GUCY1A2: variants seen among roughly 807,000 people sequenced by gnomAD.
GUCY1A2 encodes the protein guanylate cyclase 1 soluble subunit alpha 2.
GUCY1A2 carries 27 observed loss-of-function variants against 63.5 expected under a neutral mutation model. The ratio of observed to expected loss-of-function variants is 0.43; its 90% confidence interval spans 0.31 to 0.59. The LOEUF (loss-of-function observed/expected upper bound fraction) is 0.59. Among genes scored for constraint, GUCY1A2 ranks in the 20% least tolerant of loss-of-function variants. The pLI is 0.11. For missense variants in GUCY1A2, 768 were observed against 913.3 expected (o/e 0.84, Z 2.05); for synonymous variants, 364 against 343.5 (o/e 1.06, Z -0.66).
chr11:106,872,662 C>G (rs1462191621), intron 4 of GUCY1A2, among the ~76,000 whole-genome samples: 2 of 152,174 alleles, frequency 1.3e-5, no homozygotes, highest in East Asian at 3.8e-4. Flanking sequence ...TAGCAGTACT[C>G]AAAAGTGTAA....
At chr11:106,705,923 A>G (rs965694389) in intron 7 of GUCY1A2, among the ~76,000 whole-genome samples, 1 of 152,146 alleles carries the variant, frequency 6.6e-6, no homozygotes, top group Non-Finnish European at 1.5e-5. Flanking sequence ...GGATGTCACA[A>G]TGAAAGACTG....
chr11:106,766,946 A>G (rs867172926), intron 6 of GUCY1A2, among the ~76,000 whole-genome samples: 2 of 152,184 alleles, frequency 1.3e-5, no homozygotes, highest in Middle Eastern at 3.4e-3. Context: ...TGGCAGATGG[A>G]GATTCCTATT....
At chr11:106,900,879 CCTT>C (rs1044827224) in intron 4 of GUCY1A2, among the ~76,000 whole-genome samples, 1 of 152,168 alleles carries the variant, frequency 6.6e-6, no homozygotes, top group Non-Finnish European at 1.5e-5. Context: ...AACTTGTAAT[CCTT>C]CTGCTGGTGT....
chr11:106,935,895 T>C (rs1860670320), intron 4 of GUCY1A2, among the ~76,000 whole-genome samples: 2 of 151,778 alleles, frequency 1.3e-5, no homozygotes, highest in Admixed American at 6.6e-5. Context: ...TCATGATCAA[T>C]TGACCTCATG....
At chr11:106,859,229 T>G (rs913744409) in intron 4 of GUCY1A2, among the ~76,000 whole-genome samples, 1 of 152,002 alleles carries the variant, frequency 6.6e-6, no homozygotes, top group Non-Finnish European at 1.5e-5. Flanking sequence ...GTCAGTGAAC[T>G]GATAACTTTA....
chr11:106,829,694 G>A (rs1424520579), intron 4 of GUCY1A2, among the ~76,000 whole-genome samples: 1 of 152,190 alleles, frequency 6.6e-6, no homozygotes, highest in Non-Finnish European at 1.5e-5. Flanking sequence ...GAGTTACAGT[G>A]TTTGGTTGGG....
chr11:106,804,021 C>A (rs540640659), intron 5 of GUCY1A2, among the ~76,000 whole-genome samples: 42 of 152,330 alleles, frequency 2.8e-4, no homozygotes, highest in African/African-American at 9.1e-4. Context: ...TTTCACCTTA[C>A]TTCCTACAGC....
chr11:106,720,450 G>A (rs1863296758), intron 6 of GUCY1A2, among the ~76,000 whole-genome samples: 1 of 152,178 alleles, frequency 6.6e-6, no homozygotes, highest in South Asian at 2.1e-4. Context: ...TTTGGAATCT[G>A]ACCCATCATT....
At chr11:106,941,161 T>C (rs1201795720) in intron 3 of GUCY1A2, among the ~76,000 whole-genome samples, 1 of 152,186 alleles carries the variant, frequency 6.6e-6, no homozygotes, top group Non-Finnish European at 1.5e-5. Flanking sequence ...CAGCCAAGCA[T>C]GGAGGAGGAA....
chr11:106,674,316 GGT>G lies in GUCY1A2; in HGVS notation c.*13231_*13232del, dbSNP rs1862310211. On this transcript the variant is annotated 3_prime_UTR_variant, in exon 8 of 8. Coordinates refer to ENST00000526355, the MANE Select transcript of GUCY1A2 (RefSeq NM_000855.3). Reference sequence around the variant, plus strand: ...ACAAATAAAAGAATGAGTAAAAAGTGGTGTTACATGAAAATCAAAGAAGATAT... The same window carrying G: ...ACAAATAAAAGAATGAGTAAAAAGTGGTTACATGAAAATCAAAGAAGATAT... The G allele has an allele frequency of 5.6e-6, 1 of 179,916 alleles. No homozygotes were observed. The highest frequency in any genetic ancestry group is 2.0e-4 in the South Asian group (1 of 5,028). The allele number at this position is 179,916 out of a possible 1,614,324, so 11.1% of individuals were successfully genotyped here.
chr11:106,912,571 T>G (rs1201667774), intron 4 of GUCY1A2, among the ~76,000 whole-genome samples: 1 of 152,096 alleles, frequency 6.6e-6, no homozygotes, highest in Non-Finnish European at 1.5e-5. Flanking sequence ...CCTTTTAAAT[T>G]TGAGAAAACT....
intron 4 of GUCY1A2, among the ~76,000 whole-genome samples, chr11:106,841,831 C>A (rs1462370824): frequency 6.6e-6 from 1 of 151,924 alleles, no homozygotes; most frequent in East Asian, 1.9e-4. Context: ...AAAACAAGCA[C>A]AAATGAAACC....
intron 4 of GUCY1A2, among the ~76,000 whole-genome samples, chr11:106,918,602 T>C (rs1860399741): frequency 6.9e-6 from 1 of 145,364 alleles, no homozygotes; most frequent in Admixed American, 6.9e-5. Flanking sequence ...ACATGTCACA[T>C]TAATTTCAAA....
chr11:106,878,172 T>C (rs1463295259), intron 4 of GUCY1A2, among the ~76,000 whole-genome samples: 1 of 152,078 alleles, frequency 6.6e-6, no homozygotes. Context: ...ACTTATACAC[T>C]GTGAGTGGGA....
rs1185096225 is a variant in GUCY1A2 at position 106,683,784 on chromosome 11, T to C, written c.*3765A>G. 9.2e-6 allele frequency: 2 copies of C among 216,918 alleles called. No individual in the cohort carries two copies. The highest frequency in any genetic ancestry group is 4.5e-5 in the African/African-American group (2 of 44,396). 13.4% of individuals were successfully genotyped at this position (216,918 alleles called of 1,614,324 possible). On this transcript the variant is annotated 3_prime_UTR_variant, in exon 8 of 8. Transcript: ENST00000526355. Reference sequence around the variant, plus strand: ...ATCCACAACACCTGCTCTCAGAAAGTCAGGGACCCAAGGAGCCTTCAACAA... The same window carrying C: ...ATCCACAACACCTGCTCTCAGAAAGCCAGGGACCCAAGGAGCCTTCAACAA...
chr11:106,839,560 G>A (rs554740533), intron 4 of GUCY1A2, among the ~76,000 whole-genome samples: 23 of 152,002 alleles, frequency 1.5e-4, no homozygotes, highest in African/African-American at 5.3e-4. Context: ...ACATGCACAC[G>A]TATGTTTATT....
At chr11:106,751,957 A>G (rs1435071918) in intron 6 of GUCY1A2, among the ~76,000 whole-genome samples, 14 of 152,224 alleles carry the variant, frequency 9.2e-5, no homozygotes, top group African/African-American at 3.1e-4. Flanking sequence ...GCACTATGAT[A>G]TACAAAGATG....
chr11:106,694,190 A>C (rs1042301574), intron 7 of GUCY1A2, among the ~76,000 whole-genome samples: 1 of 152,188 alleles, frequency 6.6e-6, no homozygotes, highest in African/African-American at 2.4e-5. Flanking sequence ...GCATTCTGGA[A>C]GTTGAATTTA....
intron 3 of GUCY1A2, among the ~76,000 whole-genome samples, chr11:106,961,701 C>T (rs1294077888): frequency 6.6e-6 from 1 of 152,176 alleles, no homozygotes; most frequent in Admixed American, 6.5e-5. Context: ...CTTCTCAGCA[C>T]ATTCCTAGCC....
Sources: gnomAD v4.1 joint callset for allele counts (sites outside exome capture counted in the v4.1 genomes callset) on GRCh38, gnomAD v4.1.1 for gene constraint, MANE v1.5 for transcripts, NCBI Gene and HGNC (gene_info 2026-07-23, HGNC 2026-07-21) for gene names.